Variants in DGKI observed in about 807,000 individuals in gnomAD.
DGKI encodes DAG kinase iota.
A neutral mutation model predicts 147.5 loss-of-function variants in DGKI; 55 were observed. The ratio of observed to expected loss-of-function variants is 0.37; its 90% confidence interval spans 0.30 to 0.47. The LOEUF (loss-of-function observed/expected upper bound fraction) is 0.47. Ranked by LOEUF, DGKI falls within the 20% of genes least tolerant of loss-of-function variation. DGKI has a pLI of 1.00. For synonymous variants in DGKI, 469 were observed against 477.1 expected (o/e 0.98, Z 0.22); for missense variants, 1,007 against 1,323.8 (o/e 0.76, Z 3.71).
At chr7:137,483,304 T>G (rs1184609370) in intron 23 of DGKI, among the ~76,000 whole-genome samples, 2 of 152,090 alleles carry the variant, frequency 1.3e-5, no homozygotes, top group Non-Finnish European at 2.9e-5. Context: ...TAACATATTT[T>G]GATAAAGTTT....
At chr7:137,542,684 G>A (rs1817742429) in intron 20 of DGKI, among the ~76,000 whole-genome samples, 1 of 152,156 alleles carries the variant, frequency 6.6e-6, no homozygotes, top group Non-Finnish European at 1.5e-5. Flanking sequence ...TATGGTGGTG[G>A]TTATATGAAT....
At chr7:137,761,923 A>G (rs1373825449) in intron 1 of DGKI, among the ~76,000 whole-genome samples, 1 of 152,220 alleles carries the variant, frequency 6.6e-6, no homozygotes, top group Non-Finnish European at 1.5e-5. Flanking sequence ...CTAAAAGCCC[A>G]AGCCTGAAAA....
chr7:137,843,353 A>G, intron 1 of DGKI: 1 of 932,848 alleles, frequency 1.1e-6, no homozygotes, highest in Non-Finnish European at 1.3e-6. Flanking sequence ...TAATTTGCAA[A>G]GAAAAACGAA....
intron 1 of DGKI, among the ~76,000 whole-genome samples, chr7:137,794,944 CT>C (rs769230989): frequency 6.6e-5 from 10 of 152,164 alleles, no homozygotes; most frequent in Admixed American, 2.0e-4. Flanking sequence ...CAGCTACGTC[CT>C]TTTTAACACA....
chr7:137,616,814 C>T (rs998120449), intron 8 of DGKI, among the ~76,000 whole-genome samples: 2 of 151,708 alleles, frequency 1.3e-5, no homozygotes, highest in Non-Finnish European at 2.9e-5. Context: ...TGAAAACTTA[C>T]AAATAAAGGC....
chr7:137,438,424 A>C (rs1813366584), intron 28 of DGKI, among the ~76,000 whole-genome samples: 1 of 152,158 alleles, frequency 6.6e-6, no homozygotes, highest in African/African-American at 2.4e-5. Flanking sequence ...TAAATTAGTT[A>C]ATATCAAGTG....
At chr7:137,690,781 T>C (rs535711186) in intron 1 of DGKI, among the ~76,000 whole-genome samples, 1 of 151,932 alleles carries the variant, frequency 6.6e-6, no homozygotes, top group South Asian at 2.1e-4. Context: ...GCAAAGCAAA[T>C]ATGATCATTG....
At chr7:137,687,252 C>T (rs1823449802) in intron 2 of DGKI, among the ~76,000 whole-genome samples, 1 of 152,186 alleles carries the variant, frequency 6.6e-6, no homozygotes, top group Non-Finnish European at 1.5e-5. Flanking sequence ...GACTGGAGTT[C>T]CCCCTACCTT....
chr7:137,843,804 C>T (rs1798629079), intron 1 of DGKI, among the ~76,000 whole-genome samples: 1 of 151,852 alleles, frequency 6.6e-6, no homozygotes, highest in Non-Finnish European at 1.5e-5. Context: ...CACCCTCTCT[C>T]CCAAAGCCCC....
At chr7:137,666,566 G>A (rs1299108380) in intron 3 of DGKI, among the ~76,000 whole-genome samples, 2 of 152,154 alleles carry the variant, frequency 1.3e-5, no homozygotes, top group African/African-American at 4.8e-5. Flanking sequence ...AACAAATATT[G>A]CAGCCAGTCT....
At chr7:137,823,658 C>T (rs541864120) in intron 1 of DGKI, among the ~76,000 whole-genome samples, 3 of 152,108 alleles carry the variant, frequency 2.0e-5, no homozygotes, top group Non-Finnish European at 2.9e-5. Context: ...TCAGAGGATC[C>T]GCCTGAGGAA....
intron 2 of DGKI, among the ~76,000 whole-genome samples, chr7:137,683,580 T>C (rs570541210): frequency 1.3e-5 from 2 of 152,284 alleles, no homozygotes; most frequent in Admixed American, 6.5e-5. Context: ...ATTTCCCTTT[T>C]TGGTGCCACG....
At chr7:137,424,680 C>A (rs1321992313) in intron 28 of DGKI, among the ~76,000 whole-genome samples, 1 of 152,188 alleles carries the variant, frequency 6.6e-6, no homozygotes, top group Non-Finnish European at 1.5e-5. Flanking sequence ...AGGTCACTCC[C>A]ACCCTAATAC....
intron 1 of DGKI, among the ~76,000 whole-genome samples, chr7:137,823,981 A>G (rs1797979328): frequency 6.6e-6 from 1 of 152,212 alleles, no homozygotes; most frequent in African/African-American, 2.4e-5. Flanking sequence ...TAATATAAGC[A>G]TTTATTAATG....
chr7:137,840,567 C>A (rs2117105348), intron 1 of DGKI, among the ~76,000 whole-genome samples: 1 of 152,350 alleles, frequency 6.6e-6, no homozygotes, highest in East Asian at 1.9e-4. Context: ...CTTTGACAAG[C>A]TGCAAATAGC....
chr7:137,664,064 C>A (rs1563139210), intron 3 of DGKI, among the ~76,000 whole-genome samples: 1 of 152,048 alleles, frequency 6.6e-6, no homozygotes. Context: ...GGAATGGAAG[C>A]CCTCTGCCCA....
At chr7:137,584,399 A>G (rs1217983696) in intron 14 of DGKI, among the ~76,000 whole-genome samples, 1 of 152,220 alleles carries the variant, frequency 6.6e-6, no homozygotes, top group Admixed American at 6.5e-5. Flanking sequence ...TTTAGAACCA[A>G]AGGACCAACT....
chr7:137,574,464 A>C (rs1178476669), intron 17 of DGKI, among the ~76,000 whole-genome samples: 2 of 152,220 alleles, frequency 1.3e-5, no homozygotes, highest in Non-Finnish European at 2.9e-5. Context: ...TGTATAAAGC[A>C]TTATGGTTGC....
At chr7:137,579,124 C>T (rs1257228508) in intron 15 of DGKI, among the ~76,000 whole-genome samples, 3 of 151,944 alleles carry the variant, frequency 2.0e-5, no homozygotes, top group Non-Finnish European at 4.4e-5. Context: ...TGACTAATAC[C>T]TCATAGATTC....
Sources: gnomAD v4.1 joint callset for allele counts (sites outside exome capture counted in the v4.1 genomes callset) on GRCh38, gnomAD v4.1.1 for gene constraint, MANE v1.5 for transcripts, NCBI Gene and HGNC (gene_info 2026-07-23, HGNC 2026-07-21) for gene names.